SAMMSON: variants seen among roughly 807,000 people sequenced by gnomAD.
SAMMSON encodes long intergenic non-protein coding RNA 1212.
chr3:70,112,150 G>C (rs1253135322), intron 4 of SAMMSON, among the ~76,000 whole-genome samples: 1 of 152,044 alleles, frequency 6.6e-6, no homozygotes, highest in Non-Finnish European at 1.5e-5. Context: ...CAAATAAACT[G>C]TAGAACACCA....
intron 4 of SAMMSON, among the ~76,000 whole-genome samples, chr3:70,104,014 A>G (rs1296643694): frequency 8.0e-6 from 1 of 125,660 alleles, no homozygotes; most frequent in Non-Finnish European, 1.7e-5. Context: ...TTTTTTTCCT[A>G]TCATAGATTT....
At chr3:70,290,801 C>T (rs374774201) in intron 6 of SAMMSON, among the ~76,000 whole-genome samples, 3 of 152,082 alleles carry the variant, frequency 2.0e-5, no homozygotes, top group Non-Finnish European at 4.4e-5. Flanking sequence ...GCGCAGTATT[C>T]GGGTGGGAGT....
chr3:70,038,164 C>T (rs2067093158), intron 3 of SAMMSON, among the ~76,000 whole-genome samples: 1 of 152,076 alleles, frequency 6.6e-6, no homozygotes, highest in Non-Finnish European at 1.5e-5. Context: ...GAAATTTGAT[C>T]CCCAATGTGG....
At chr3:70,010,753 A>C (rs574287822) in intron 1 of SAMMSON, among the ~76,000 whole-genome samples, 2 of 152,316 alleles carry the variant, frequency 1.3e-5, no homozygotes, top group African/African-American at 4.8e-5. Flanking sequence ...ATTGACTCAC[A>C]GTTCCGCATT....
chr3:70,308,787 T>C (rs369315186), intron 7 of SAMMSON, among the ~76,000 whole-genome samples: 3 of 152,144 alleles, frequency 2.0e-5, no homozygotes, highest in Non-Finnish European at 2.9e-5. Flanking sequence ...TTAGAAATAA[T>C]AGCAGTACTC....
At position 70,421,606 on chromosome 3, in the gene SAMMSON, G is replaced by T. The variant is rs535483191; in HGVS notation, n.234-40954G>T. Among the ~76,000 whole-genome samples, 3 of 152,212 alleles carry T rather than the reference G, an allele frequency of 2.0e-5. No individual in the cohort carries two copies. In the South Asian group the frequency reaches 6.2e-4, roughly 32 times the overall value. ...ATAAAAGTTGCAATTAGAACCCACA[G>T]AACTGGCATGACACTCGTTTAAGTT... On this transcript the variant is annotated intron_variant and non_coding_transcript_variant, in intron 2 of 3. Coordinates refer to the SAMMSON transcript ENST00000641053.
At chr3:70,074,382 C>G (rs1176775688) in intron 4 of SAMMSON, among the ~76,000 whole-genome samples, 2 of 151,976 alleles carry the variant, frequency 1.3e-5, no homozygotes, top group Non-Finnish European at 1.5e-5. Context: ...TACTTTGATT[C>G]AAGAGTGATT....
intron 6 of SAMMSON, among the ~76,000 whole-genome samples, chr3:70,267,503 C>A (rs1235534215): frequency 6.7e-6 from 1 of 150,342 alleles, no homozygotes; most frequent in Non-Finnish European, 1.5e-5. Flanking sequence ...CCTGGGCTCA[C>A]GCCCTTCTCC....
intron 7 of SAMMSON, among the ~76,000 whole-genome samples, chr3:70,345,992 T>C (rs773252458): frequency 3.9e-5 from 6 of 152,216 alleles, no homozygotes; most frequent in Non-Finnish European, 8.8e-5. Context: ...GTTTGATAAA[T>C]ACCAAGGAGC....
At chr3:70,147,458 A>G (rs35693656) in intron 4 of SAMMSON, among the ~76,000 whole-genome samples, 38,017 of 151,924 alleles carry the variant, frequency 0.25, 5,044 homozygotes, top group East Asian at 0.52. Flanking sequence ...TGTTATTGTC[A>G]AGGGATCACA....
At chr3:70,249,386 C>A (rs1205340437) in intron 5 of SAMMSON, among the ~76,000 whole-genome samples, 1 of 152,100 alleles carries the variant, frequency 6.6e-6, no homozygotes, top group Non-Finnish European at 1.5e-5. Flanking sequence ...CAAATATGAG[C>A]ATTGATTGGA....
chr3:70,215,427 A>G (rs2106732568), intron 4 of SAMMSON, among the ~76,000 whole-genome samples: 1 of 152,250 alleles, frequency 6.6e-6, no homozygotes, highest in African/African-American at 2.4e-5. Flanking sequence ...CTCCAGGTTA[A>G]TTGATCCTGC....
At chr3:70,137,539 G>T (rs2067510942) in intron 4 of SAMMSON, 1 of 152,088 alleles carries the variant, frequency 6.6e-6, no homozygotes, top group Non-Finnish European at 1.5e-5. Context: ...ACTCACTCGA[G>T]TAGTTGCAAC....
intron 4 of SAMMSON, among the ~76,000 whole-genome samples, chr3:70,101,101 G>A (rs1296265678): frequency 1.3e-5 from 2 of 152,152 alleles, no homozygotes; most frequent in African/African-American, 4.8e-5. Context: ...TAGGGAAAAT[G>A]CACAAGATGG....
At chr3:70,015,628 A>G (rs139039553) in intron 3 of SAMMSON, among the ~76,000 whole-genome samples, 8 of 152,220 alleles carry the variant, frequency 5.3e-5, no homozygotes, top group African/African-American at 1.4e-4. Flanking sequence ...GGTTTGTTAC[A>G]TATGTATACA....
chr3:70,188,946 A>G (rs1276256978), intron 4 of SAMMSON, among the ~76,000 whole-genome samples: 3 of 152,188 alleles, frequency 2.0e-5, no homozygotes, highest in Non-Finnish European at 4.4e-5. Flanking sequence ...GAATTATAAC[A>G]GGGCATTCTG....
intron 4 of SAMMSON, among the ~76,000 whole-genome samples, chr3:70,165,991 T>G (rs191622404): frequency 1.3e-5 from 2 of 152,122 alleles, no homozygotes; most frequent in East Asian, 3.9e-4. Flanking sequence ...CCTCTGAGCC[T>G]CACTTTCCTC....
chr3:70,022,348 C>T (rs1248037329), intron 3 of SAMMSON, among the ~76,000 whole-genome samples: 1 of 143,068 alleles, frequency 7.0e-6, no homozygotes, highest in African/African-American at 2.6e-5. Context: ...GGGTGCAGTA[C>T]ACCAACATGG....
At chr3:70,352,608 A>T (rs1041542703) in intron 7 of SAMMSON, among the ~76,000 whole-genome samples, 3 of 152,136 alleles carry the variant, frequency 2.0e-5, no homozygotes, top group African/African-American at 7.2e-5. Context: ...GGTAAATCCA[A>T]TAGATTTTCT....
Sources: allele counts gnomAD v4.1 joint callset (sites outside exome capture counted in the v4.1 genomes callset), GRCh38; gene constraint gnomAD v4.1.1; transcripts MANE v1.5; gene names NCBI Gene and HGNC (gene_info 2026-07-23, HGNC 2026-07-21).